Variants in SLC2A9 observed in about 807,000 individuals in gnomAD.
SLC2A9 encodes the protein solute carrier family 2 member 9, also known as solute carrier family 2, facilitated glucose transporter member 9.
SLC2A9 carries 39 observed loss-of-function variants against 50.6 expected under a neutral mutation model. The observed-to-expected ratio is 0.77, with a 90% CI of 0.60 to 1.01. The LOEUF is 1.01. SLC2A9 is among the 50% of genes least tolerant of loss of function. The probability of loss-of-function intolerance (pLI) is 0.00; values close to 1 mark genes in which losing one functional copy is unlikely to be tolerated. For synonymous variants in SLC2A9, 324 were observed against 276.9 expected, an observed-to-expected ratio of 1.17 and a Z score of -1.69; for missense variants, 686 against 677.6, an observed-to-expected ratio of 1.01 and a Z score of -0.14.
intron 2 of SLC2A9, among the ~76,000 whole-genome samples, chr4:10,018,077 C>T (rs1246334407): frequency 6.6e-6 from 1 of 152,224 alleles, no homozygotes; most frequent in Non-Finnish European, 1.5e-5. Context: ...CACAGGATAG[C>T]ATCTAAACCT....
At chr4:9,810,754 C>G (rs1722773472) in intron 3 of SLC2A9, among the ~76,000 whole-genome samples, 1 of 152,194 alleles carries the variant, frequency 6.6e-6, no homozygotes, top group African/African-American at 2.4e-5. Context: ...TGGCGGTTGG[C>G]TTGGAGAGTT....
rs540716117 is a variant in SLC2A9, at chr4:9,781,521, G to A, written n.386-1456C>T. 2.0e-5 allele frequency among the ~76,000 whole-genome samples: 3 copies of A among 152,252 alleles called. No homozygotes were observed. In the South Asian group the frequency reaches 6.2e-4, roughly 32 times the overall value. On this transcript the variant is annotated intron_variant and non_coding_transcript_variant, in intron 3 of 3. Coordinates refer to the SLC2A9 transcript ENST00000503803. ...CGGGATCGCCCCTACACTCTGGCGCGCTGAGGGCGGTGAGCGAGGGCGCCA... is the reference window on the plus strand; with the variant it reads ...CGGGATCGCCCCTACACTCTGGCGCACTGAGGGCGGTGAGCGAGGGCGCCA...
At chr4:9,953,658 T>C (rs770505490) in intron 5 of SLC2A9, among the ~76,000 whole-genome samples, 1 of 152,240 alleles carries the variant, frequency 6.6e-6, no homozygotes, top group Non-Finnish European at 1.5e-5. Flanking sequence ...GGTCTCACTC[T>C]GTTACCCAGG....
chr4:10,026,461 G>T (rs897894819), upstream of SLC2A9, among the ~76,000 whole-genome samples: 22 of 152,118 alleles, frequency 1.4e-4, no homozygotes, highest in African/African-American at 5.3e-4. Flanking sequence ...AAGTTTGCTT[G>T]TTTCTCTAAA....
chr4:9,903,045 C>T (rs1739954413), intron 8 of SLC2A9, among the ~76,000 whole-genome samples: 1 of 152,158 alleles, frequency 6.6e-6, no homozygotes, highest in Non-Finnish European at 1.5e-5. Flanking sequence ...GGTTAAGTGA[C>T]TAGCTCAAGG....
chr4:9,784,247 C>T (rs187825695), intron 3 of SLC2A9, among the ~76,000 whole-genome samples: 6 of 152,094 alleles, frequency 3.9e-5, no homozygotes, highest in African/African-American at 1.4e-4. Context: ...AACCTGGCTT[C>T]AATGGCATGG....
At chr4:9,964,267 T>TAACA (rs58238506) in intron 5 of SLC2A9, among the ~76,000 whole-genome samples, 41,573 of 151,928 alleles carry the variant, frequency 0.27, 6,349 homozygotes, top group African/African-American at 0.4. Context: ...TTTGCATTTC[T>TAACA]AACAAGTGCC....
At chr4:9,843,479 A>C (rs1436497508) in intron 10 of SLC2A9, among the ~76,000 whole-genome samples, 1 of 151,864 alleles carries the variant, frequency 6.6e-6, no homozygotes, top group African/African-American at 2.4e-5. Flanking sequence ...GCCTGGGGTG[A>C]GGGTGTAACA....
chr4:9,912,343 G>A (rs113811188), intron 7 of SLC2A9, among the ~76,000 whole-genome samples: 31 of 152,124 alleles, frequency 2.0e-4, no homozygotes, highest in African/African-American at 6.8e-4. Context: ...CATATGCCAT[G>A]CTAGGAATGC....
chr4:10,035,101 G>A (rs963832974), intron 1 of SLC2A9: 3 of 152,232 alleles, frequency 2.0e-5, no homozygotes, highest in African/African-American at 4.8e-5. Flanking sequence ...TGGTTTTGTC[G>A]AGTTGGCCCC....
At chr4:9,789,207 G>A (rs1719596699) in intron 3 of SLC2A9, among the ~76,000 whole-genome samples, 1 of 152,144 alleles carries the variant, frequency 6.6e-6, no homozygotes, top group South Asian at 2.1e-4. Flanking sequence ...AGACCTGGAA[G>A]TCAAAGAGAT....
At chr4:9,783,015 C>A in intron 3 of SLC2A9, 5 of 1,614,238 alleles carry the variant, frequency 3.1e-6, no homozygotes, top group Non-Finnish European at 4.2e-6. Context: ...CCCGAAGGCC[C>A]TCCGGCCGGC....
intron 2 of SLC2A9, among the ~76,000 whole-genome samples, chr4:10,015,973 G>A (rs1015738059): frequency 1.3e-5 from 2 of 152,166 alleles, no homozygotes; most frequent in Non-Finnish European, 2.9e-5. Context: ...TACCCAACTG[G>A]GGATGACACT....
chr4:9,927,032 T>C (rs916200465), intron 6 of SLC2A9, among the ~76,000 whole-genome samples: 2 of 139,062 alleles, frequency 1.4e-5, no homozygotes, highest in Non-Finnish European at 3.2e-5. Flanking sequence ...GTTGTTCGAT[T>C]TTTTTTTTTT....
intron 3 of SLC2A9, among the ~76,000 whole-genome samples, chr4:9,784,547 G>C (rs1439209279): frequency 6.6e-6 from 1 of 152,178 alleles, no homozygotes; most frequent in Non-Finnish European, 1.5e-5. Context: ...ATAGCAAATA[G>C]GGAAATGCTT....
intron 10 of SLC2A9, among the ~76,000 whole-genome samples, chr4:9,849,501 A>G (rs1729518569): frequency 6.6e-6 from 1 of 152,230 alleles, no homozygotes; most frequent in Non-Finnish European, 1.5e-5. Flanking sequence ...ACTATCAATT[A>G]GCATGTTTTG....
chr4:10,039,085 G>A (rs555740384), intron 1 of SLC2A9, among the ~76,000 whole-genome samples: 1 of 152,358 alleles, frequency 6.6e-6, no homozygotes, highest in East Asian at 1.9e-4. Flanking sequence ...TGGCATGTGA[G>A]TCAAAGTTTG....
intron 3 of SLC2A9, among the ~76,000 whole-genome samples, chr4:9,791,813 A>G (rs998211138): frequency 5.9e-5 from 9 of 152,188 alleles, no homozygotes; most frequent in African/African-American, 1.4e-4. Context: ...GGAGACTGTG[A>G]GCCAGAAGAC....
Position 9,980,732 on chromosome 4 carries a change from C to G in SLC2A9, c.541G>C (p.Ala181Pro). ...RFIMGIDGGV[A>P]LSVLPMYLSE... ...AGGTACATGGGGAGCACACTGAGGG[C>G]GACGCCTGTAGAGAGAAAGCATAGC... The change falls in exon 5 of 12, where the codon GCC becomes CCC. Residue 181 changes from alanine to proline, a missense_variant. Coordinates refer to ENST00000264784, the MANE Select transcript of SLC2A9 (RefSeq NM_020041.3). 1 of 1,614,146 alleles carries G rather than the reference C, an allele frequency of 6.2e-7. No homozygotes were observed. The highest frequency in any genetic ancestry group is 8.5e-7 in the Non-Finnish European group (1 of 1,180,002).
Sources: allele counts gnomAD v4.1 joint callset (sites outside exome capture counted in the v4.1 genomes callset), GRCh38; gene constraint gnomAD v4.1.1; transcripts MANE v1.5; gene names NCBI Gene and HGNC (gene_info 2026-07-23, HGNC 2026-07-21).